Variants in GLS observed in about 807,000 individuals in gnomAD.
The protein encoded by GLS is glutaminase.
In GLS, 36 loss-of-function variants were observed where a neutral mutation model predicts 86.7. The observed-to-expected ratio is 0.42, with a 90% CI of 0.32 to 0.55. The LOEUF (loss-of-function observed/expected upper bound fraction) is 0.55. Among genes scored for constraint, GLS ranks in the 20% least tolerant of loss-of-function variants. GLS has a pLI of 0.17. For missense variants in GLS, 528 were observed against 833.4 expected (o/e 0.63, Z 4.51); for synonymous variants, 317 against 305.9 (o/e 1.04, Z -0.38).
intron 7 of GLS, among the ~76,000 whole-genome samples, chr2:190,912,690 C>G (rs1052479657): frequency 6.6e-6 from 1 of 152,106 alleles, no homozygotes; most frequent in African/African-American, 2.4e-5. Flanking sequence ...TCTCCTGATA[C>G]TCAATGTGCT....
At position 190,954,709 on chromosome 2, in the gene GLS, AC is replaced by A. The variant is rs1558995762; in HGVS notation, c.1790-45del. 6.2e-7 allele frequency: 1 copy of A among 1,609,552 alleles called. No individual in the cohort carries two copies. The highest frequency in any genetic ancestry group is 1.1e-5 in the South Asian group (1 of 90,986). ...TATTTTCTTTCCAGATTTAATTTCTACTTAGTACTAAAATCTGCTCTTTTTT... is the reference window on the plus strand; with the variant it reads ...TATTTTCTTTCCAGATTTAATTTCTATTAGTACTAAAATCTGCTCTTTTTT... On this transcript the variant is annotated intron_variant, in intron 16 of 17. Coordinates refer to ENST00000320717, the MANE Select transcript of GLS (RefSeq NM_014905.5). The surrounding 1 kb of genome is among the most constrained non-coding windows in gnomAD (Gnocchi z 4.0).
chr2:190,896,364 A>G (rs1574567927), intron 3 of GLS: 1 of 152,234 alleles, frequency 6.6e-6, no homozygotes, highest in East Asian at 1.9e-4. Flanking sequence ...TAGTTTGATT[A>G]CTTAAAGATT....
chr2:190,909,545 T>C (rs1393561948), intron 6 of GLS, among the ~76,000 whole-genome samples: 4 of 152,192 alleles, frequency 2.6e-5, no homozygotes, highest in Non-Finnish European at 5.9e-5. Context: ...ATAGATGTTT[T>C]CACTGTCCCC....
At chr2:190,886,326 T>A (rs1312237917) in intron 1 of GLS, among the ~76,000 whole-genome samples, 1 of 152,260 alleles carries the variant, frequency 6.6e-6, no homozygotes, top group Non-Finnish European at 1.5e-5. Flanking sequence ...TTTATAGTTT[T>A]ATTAATATTT....
Position 190,881,356 on chromosome 2 carries a change from A to G in GLS, c.272A>G (p.Gln91Arg), listed in dbSNP as rs1360438562. The change falls in exon 1 of 18, where the codon CAG becomes CGG. Residue 91 changes from glutamine (Q) to arginine (R), a missense_variant. By Grantham distance (43) the Gln-to-Arg change is conservative (BLOSUM62 1). Transcript: ENST00000320717. ...QELGKGSTHP[Q>R]PGVSPPAAPA... ...CTGGGCAAGGGGAGCACGCATCCGC[A>G]GCCCGGGGTGTCGCCACCCGCTGCC... 3 of 1,538,456 alleles carry G rather than the reference A, an allele frequency of 2.0e-6. No individual in the cohort carries two copies. In the African/African-American group the frequency reaches 4.2e-5, roughly 21 times the overall value.
chr2:190,893,647 A>T (rs1559317095), intron 1 of GLS, among the ~76,000 whole-genome samples: 1 of 152,148 alleles, frequency 6.6e-6, no homozygotes, highest in Non-Finnish European at 1.5e-5. Flanking sequence ...GTGTGGTGGC[A>T]CGATCTTGGC....
At position 190,926,133 on chromosome 2, in the gene GLS, T is replaced by G. The variant is rs566207719; in HGVS notation, c.1249-1173T>G. ...CATCAAATTGAACGGCCATTGAGAT[T>G]AGCAGGAGAGTACCCGAGTTGGCAT... is the stretch of plus-strand genomic sequence containing the variant. On this transcript the variant is annotated intron_variant, in intron 11 of 17. Transcript: ENST00000320717. 2.5e-4 allele frequency among the ~76,000 whole-genome samples: 38 copies of G among 152,322 alleles called. No homozygotes were observed. In the South Asian group the frequency reaches 7.9e-3, roughly 32 times the overall value.
chr2:190,941,545 A>G (rs1010002755), intron 14 of GLS, among the ~76,000 whole-genome samples: 9 of 100,898 alleles, frequency 8.9e-5, no homozygotes, highest in Admixed American at 2.4e-4. Context: ...AAGTAAAAAA[A>G]TGCTAGGAGA....
At position 190,881,073 on chromosome 2, in the gene GLS, G is replaced by A. The variant is rs1157680830; in HGVS notation, c.-12G>A. 2 of 1,549,964 alleles carry A rather than the reference G, an allele frequency of 1.3e-6. No individual in the cohort carries two copies. The highest frequency in any genetic ancestry group is 1.4e-5 in the African/African-American group (1 of 73,646). ...CCTCCCCTGTTGAGCGGGCGCTGAC[G>A]GACCCGGCGGCATGATGCGGCTGCG... On this transcript the variant is annotated 5_prime_UTR_variant, in exon 1 of 18. Coordinates refer to ENST00000320717, the MANE Select transcript of GLS (RefSeq NM_014905.5).
In GLS at chr2:190,923,914, C is replaced by A; in HGVS notation, c.1131-3C>A. ...GAGCAAATGTTTTTTTTTCTTCTTC[C>A]AGGTTTCAGTCTGAAAGAGAAAGTG... On this transcript the variant is annotated splice_polypyrimidine_tract_variant and splice_region_variant and intron_variant, in intron 9 of 17. Transcript: ENST00000320717. 1 of 1,543,788 alleles carries A rather than the reference C, an allele frequency of 6.5e-7. No individual in the cohort carries two copies. Among genetic ancestry groups the A allele is most frequent in the Non-Finnish European group, 8.9e-7 (1 of 1,126,454 alleles).
intron 6 of GLS, among the ~76,000 whole-genome samples, chr2:190,909,180 A>T (rs145224487): frequency 6.7e-6 from 1 of 150,092 alleles, no homozygotes; most frequent in East Asian, 1.9e-4. Flanking sequence ...AATGTAGGAT[A>T]TTTTTCTTTT....
intron 3 of GLS, among the ~76,000 whole-genome samples, chr2:190,899,057 G>T (rs1688851485): frequency 6.6e-6 from 1 of 152,172 alleles, no homozygotes; most frequent in African/African-American, 2.4e-5. Context: ...CATTTGATTT[G>T]TTGTAGATAT....
At position 190,953,533 on chromosome 2, in the gene GLS, C is replaced by T; in HGVS notation, c.1651-32C>T. The T allele has an allele frequency of 6.7e-6, 10 of 1,486,680 alleles. No individual in the cohort carries two copies. Among genetic ancestry groups the T allele is most frequent in the Non-Finnish European group, 7.5e-6 (8 of 1,064,184 alleles). 92.1% of individuals were successfully genotyped at this position (1,486,680 alleles called of 1,614,324 possible). On this transcript the variant is annotated intron_variant, in intron 14 of 17. Transcript: ENST00000320717. The surrounding 1 kb of genome is among the most constrained non-coding windows in gnomAD (Gnocchi z 4.0). ...GGACGTTGTATGTGTTTTCTCTCTC[C>T]TAAGGATGCCTAAACTTTCTTTTCT...
intron 7 of GLS, among the ~76,000 whole-genome samples, chr2:190,910,673 C>T (rs2124868529): frequency 6.8e-6 from 1 of 147,682 alleles, no homozygotes; most frequent in Admixed American, 6.8e-5. Flanking sequence ...CCAGAATGAA[C>T]AGTTATAAAT....
chr2:190,911,780 A>G (rs143950843), intron 7 of GLS, among the ~76,000 whole-genome samples: 1 of 152,232 alleles, frequency 6.6e-6, no homozygotes, highest in African/African-American at 2.4e-5. Context: ...TCCCAGAAAA[A>G]TATCCACATA....
chr2:190,917,175 C>G lies in GLS; in HGVS notation c.1039-3849C>G, dbSNP rs1689564732. 2.6e-5 allele frequency among the ~76,000 whole-genome samples: 4 copies of G among 152,176 alleles called. No individual in the cohort carries two copies. In the South Asian group the frequency reaches 8.3e-4, roughly 31 times the overall value. ...TGGAGTCAGTCCTCCAAAACTCTGC[C>G]ACTGCTTTATGAACTAAGTTTATGG... On this transcript the variant is annotated intron_variant, in intron 7 of 17. Coordinates refer to ENST00000320717, the MANE Select transcript of GLS (RefSeq NM_014905.5).
At chr2:190,890,765 G>A (rs946856301) in intron 1 of GLS, among the ~76,000 whole-genome samples, 1 of 152,072 alleles carries the variant, frequency 6.6e-6, no homozygotes, top group African/African-American at 2.4e-5. Context: ...ATAAAGACTA[G>A]CAAATCCTTT....
chr2:190,948,924 T>C (rs145491043), intron 14 of GLS, among the ~76,000 whole-genome samples: 1 of 152,222 alleles, frequency 6.6e-6, no homozygotes, highest in African/African-American at 2.4e-5. Flanking sequence ...ATTGACTCTG[T>C]CCCTAGCACA....
chr2:190,934,157 A>G, intron 14 of GLS: 3 of 983,786 alleles, frequency 3.0e-6, no homozygotes, highest in Non-Finnish European at 3.6e-6. Flanking sequence ...GGGGGATTAG[A>G]AGAAAAACTT....
Sources: gnomAD v4.1 joint callset for allele counts (sites outside exome capture counted in the v4.1 genomes callset) on GRCh38, gnomAD v4.1.1 for gene constraint, Gnocchi (gnomAD v3.1) non-coding constraint, MANE v1.5 for transcripts, NCBI Gene and HGNC (gene_info 2026-07-23, HGNC 2026-07-21) for gene names.